Variants in HSPA12A observed in about 807,000 individuals in gnomAD.
The protein encoded by HSPA12A is heat shock 70 kDa protein 12A.
In HSPA12A, 28 loss-of-function variants were observed where a neutral mutation model predicts 69.2. The ratio of observed to expected loss-of-function variants is 0.40; its 90% CI spans 0.30 to 0.55. The LOEUF (loss-of-function observed/expected upper bound fraction) is 0.55, where lower values mean the gene tolerates loss of function less well. Ranked by LOEUF, HSPA12A falls within the 20% of genes least tolerant of loss-of-function variation. HSPA12A has a pLI of 0.38. For synonymous variants in HSPA12A, 345 were observed against 370.5 expected, an observed-to-expected ratio of 0.93 and a Z score of 0.79; for missense variants, 686 against 900.7, an observed-to-expected ratio of 0.76 and a Z score of 3.05.
rs535262055 is a variant in HSPA12A at position 116,849,515 on chromosome 10, G to C, written c.3+51C>G. On this transcript the variant is annotated intron_variant, in intron 1 of 12. Transcript: ENST00000635765. ...CGTTGCGTTGCCTAGCGACAGCAGG[G>C]ACGCTCGTGGGACCCCAGGCTAAAC... 3.4e-6 allele frequency: 5 copies of C among 1,452,980 alleles called. No homozygotes were observed. In the East Asian group the frequency reaches 1.3e-4, roughly 38 times the overall value. The allele number at this position is 1,452,980 out of a possible 1,614,324, so 90.0% of individuals were successfully genotyped here.
intron 1 of HSPA12A, among the ~76,000 whole-genome samples, chr10:116,735,835 TAAAA>T (rs67575935): frequency 7.3e-6 from 1 of 137,012 alleles, no homozygotes; most frequent in Admixed American, 7.5e-5. Flanking sequence ...TGTCCCTATT[TAAAA>T]AAAAAAAAAA....
chr10:116,796,400 G>A (rs1020213218), intron 2 of HSPA12A, among the ~76,000 whole-genome samples: 3 of 151,984 alleles, frequency 2.0e-5, no homozygotes, highest in African/African-American at 4.8e-5. Context: ...ACGGGTCTTC[G>A]GGTCTTTGCA....
chr10:116,815,280 C>G (rs1209972133), intron 2 of HSPA12A, among the ~76,000 whole-genome samples: 1 of 141,112 alleles, frequency 7.1e-6, no homozygotes. Flanking sequence ...AAAAAATAGA[C>G]AGAGGGCCAG....
Position 116,839,607 on chromosome 10 carries a change from A to T in HSPA12A, c.4-4585T>A, listed in dbSNP as rs1251504545. 8.7e-4 allele frequency among the ~76,000 whole-genome samples: 117 copies of T among 134,386 alleles called. 1 individual carries two copies. Among genetic ancestry groups the T allele is most frequent in the African/African-American group, 4.1e-3 (112 of 27,614 alleles). The allele number at this position is 134,386 out of a possible 152,430, so 88.2% of individuals were successfully genotyped here. On this transcript the variant is annotated intron_variant, in intron 1 of 12. Transcript: ENST00000635765. ...AGGACTTCGTAGATGCCTACCGTAA[A>T]AAAAAAAAAAAAAAAAAAAAAAACC...
chr10:116,832,048 A>T (rs1178340198), intron 2 of HSPA12A: 2 of 152,304 alleles, frequency 1.3e-5, no homozygotes, highest in Non-Finnish European at 2.9e-5. Flanking sequence ...GTGAGTAAAC[A>T]ACAGTGTACA....
intron 1 of HSPA12A, among the ~76,000 whole-genome samples, chr10:116,841,557 AT>A (rs1845800462): frequency 6.6e-6 from 1 of 152,222 alleles, no homozygotes. Flanking sequence ...TTAATCTAAC[AT>A]ATTAGAGATT....
chr10:116,736,480 T>C (rs1264751676), intron 1 of HSPA12A, among the ~76,000 whole-genome samples: 1 of 152,088 alleles, frequency 6.6e-6, no homozygotes, highest in Non-Finnish European at 1.5e-5. Context: ...TTATCTCCTA[T>C]GGGAAAAGGG....
At chr10:116,701,363 T>C (rs1850072338) in intron 3 of HSPA12A, among the ~76,000 whole-genome samples, 1 of 152,246 alleles carries the variant, frequency 6.6e-6, no homozygotes, top group African/African-American at 2.4e-5. Flanking sequence ...TTTCATTCCA[T>C]GTTTACTGAG....
intron 2 of HSPA12A, among the ~76,000 whole-genome samples, chr10:116,798,960 C>T (rs1589713485): frequency 6.6e-6 from 1 of 152,058 alleles, no homozygotes; most frequent in African/African-American, 2.4e-5. Flanking sequence ...AGACATCCTC[C>T]GCAGCCTGGG....
chr10:116,707,305 C>A lies in HSPA12A; in HGVS notation c.41-20G>T. The A allele has an allele frequency of 6.3e-7, 1 of 1,593,206 alleles. No homozygotes were observed. Among genetic ancestry groups the A allele is most frequent in the Non-Finnish European group, 8.6e-7 (1 of 1,166,740 alleles). ...CCGTTTCTGAAAGGAAAAACAAAGC[C>A]GCCTCCTTAGAAGTGGCATGGACTG... On this transcript the variant is annotated intron_variant, in intron 1 of 11. Transcript: ENST00000369209.
intron 1 of HSPA12A, among the ~76,000 whole-genome samples, chr10:116,839,144 T>A (rs1356059627): frequency 6.6e-6 from 1 of 152,238 alleles, no homozygotes; most frequent in Non-Finnish European, 1.5e-5. Flanking sequence ...GAAAACGACA[T>A]CAATCTGAAC....
At chr10:116,771,951 C>T (rs947103680) in intron 2 of HSPA12A, among the ~76,000 whole-genome samples, 11 of 152,306 alleles carry the variant, frequency 7.2e-5, no homozygotes, top group African/African-American at 1.9e-4. Flanking sequence ...GTCTCAGCCA[C>T]GGCCACACCT....
chr10:116,768,613 A>C (rs1439831610), intron 2 of HSPA12A, among the ~76,000 whole-genome samples: 4 of 152,146 alleles, frequency 2.6e-5, no homozygotes, highest in African/African-American at 9.7e-5. Flanking sequence ...TCCTGGGCTC[A>C]AGTGAACCTC....
chr10:116,793,240 C>A (rs1844738238), intron 2 of HSPA12A, among the ~76,000 whole-genome samples: 1 of 152,188 alleles, frequency 6.6e-6, no homozygotes, highest in Non-Finnish European at 1.5e-5. Flanking sequence ...ACATTAACTG[C>A]ATAAAACAAC....
At chr10:116,846,491 A>G (rs568264387) in intron 1 of HSPA12A, among the ~76,000 whole-genome samples, 1 of 152,020 alleles carries the variant, frequency 6.6e-6, no homozygotes, top group East Asian at 1.9e-4. Context: ...CTGGGACCAC[A>G]AGCACGTGCT....
At chr10:116,838,528 C>T (rs73387518) in intron 1 of HSPA12A, among the ~76,000 whole-genome samples, 1 of 152,202 alleles carries the variant, frequency 6.6e-6, no homozygotes, top group Admixed American at 6.5e-5. Context: ...ACTGGTTTCA[C>T]TTCTGCATGC....
chr10:116,749,418 C>T (rs943285804), intron 2 of HSPA12A, among the ~76,000 whole-genome samples: 10 of 152,176 alleles, frequency 6.6e-5, no homozygotes, highest in Non-Finnish European at 1.3e-4. Flanking sequence ...CCCCATTTTA[C>T]AGGTAAGGAA....
chr10:116,689,696 A>C (rs1554879920), intron 6 of HSPA12A, among the ~76,000 whole-genome samples: 1 of 152,044 alleles, frequency 6.6e-6, no homozygotes, highest in East Asian at 1.9e-4. Context: ...AAGTTCCAAG[A>C]TCTGCAGCCA....
rs367990623 is a variant in HSPA12A at position 116,838,858 on chromosome 10, T to C, written c.4-3836A>G. Among the ~76,000 whole-genome samples the C allele has an allele frequency of 1.1e-4, 17 of 152,360 alleles. No homozygotes were observed. The South Asian group carries it at 1.2e-3, about 11-fold the overall frequency. On this transcript the variant is annotated intron_variant, in intron 1 of 12. Transcript: ENST00000635765. ...TCTAACCCGGGCTAATATGTGATTG[T>C]TCTGAGCAGTAACTGCTAAATTCTT...
Sources: gnomAD v4.1 joint callset for allele counts (sites outside exome capture counted in the v4.1 genomes callset) on GRCh38, gnomAD v4.1.1 for gene constraint, MANE v1.5 for transcripts, NCBI Gene and HGNC (gene_info 2026-07-23, HGNC 2026-07-21) for gene names.